Variants in LRRC7 observed in about 807,000 individuals in gnomAD.
LRRC7 encodes the protein leucine rich repeat containing 7, also known as leucine-rich repeat-containing protein 7.
LRRC7 carries 23 observed loss-of-function variants against 175.7 expected under a neutral mutation model. The observed-to-expected ratio is 0.13, with a 90% CI of 0.09 to 0.19. LRRC7 has a LOEUF of 0.19. Among genes scored for constraint, LRRC7 ranks in the 10% least tolerant of loss-of-function variants. The probability of loss-of-function intolerance (pLI) is 1.00; values close to 1 mark genes in which losing one functional copy is unlikely to be tolerated. For missense variants in LRRC7, 1,354 were observed against 1,904.7 expected (o/e 0.71, Z 5.38); for synonymous variants, 685 against 680.9 (o/e 1.01, Z -0.09).
intron 1 of LRRC7, among the ~76,000 whole-genome samples, chr1:69,627,388 G>T (rs1651767735): frequency 6.6e-6 from 1 of 152,128 alleles, no homozygotes; most frequent in Non-Finnish European, 1.5e-5. Context: ...AGAAGTGTCT[G>T]TTCATATCCT....
At chr1:69,683,313 T>C (rs1230304756) in intron 2 of LRRC7, among the ~76,000 whole-genome samples, 1 of 152,182 alleles carries the variant, frequency 6.6e-6, no homozygotes, top group African/African-American at 2.4e-5. Flanking sequence ...AAATATTCTG[T>C]GTAAGATTCT....
At chr1:69,983,209 A>C (rs1250190660) in intron 9 of LRRC7, among the ~76,000 whole-genome samples, 1 of 152,226 alleles carries the variant, frequency 6.6e-6, no homozygotes, top group Non-Finnish European at 1.5e-5. Flanking sequence ...ACTCTGACTC[A>C]TCCAAAGTAC....
chr1:69,589,485 C>T (rs1188924733), intron 1 of LRRC7, among the ~76,000 whole-genome samples: 2 of 152,014 alleles, frequency 1.3e-5, no homozygotes, highest in Non-Finnish European at 2.9e-5. Flanking sequence ...TCCTCTGGCC[C>T]ATGTCTGTAG....
intron 7 of LRRC7, among the ~76,000 whole-genome samples, chr1:69,915,261 G>A (rs1646651512): frequency 1.3e-5 from 2 of 152,112 alleles, no homozygotes; most frequent in South Asian, 2.1e-4. Flanking sequence ...TATTGGGAGC[G>A]GAGGCGCAGA....
chr1:69,673,392 CT>C (rs1350826610), intron 1 of LRRC7, among the ~76,000 whole-genome samples: 1 of 152,174 alleles, frequency 6.6e-6, no homozygotes, highest in African/African-American at 2.4e-5. Flanking sequence ...GTAGGCTGCA[CT>C]TTTTCAGAGC....
intron 1 of LRRC7, among the ~76,000 whole-genome samples, chr1:69,596,479 C>T (rs1336173284): frequency 1.3e-5 from 2 of 152,132 alleles, no homozygotes; most frequent in East Asian, 3.9e-4. Flanking sequence ...TACATAATAA[C>T]ATGCTCTAAA....
intron 7 of LRRC7, chr1:69,919,554 G>A (rs1369724055): frequency 2.0e-5 from 16 of 793,308 alleles, no homozygotes; most frequent in Non-Finnish European, 3.5e-5. Context: ...AGCCAGTCAA[G>A]GCGGCCCTCG....
intron 3 of LRRC7, among the ~76,000 whole-genome samples, chr1:69,788,923 T>C (rs1450481761): frequency 1.3e-5 from 2 of 152,198 alleles, no homozygotes; most frequent in African/African-American, 4.8e-5. Flanking sequence ...GTATAAAGAA[T>C]CTGGGCTCAA....
At chr1:70,110,438 T>A (rs557486797) in intron 26 of LRRC7, among the ~76,000 whole-genome samples, 6 of 152,080 alleles carry the variant, frequency 3.9e-5, no homozygotes, top group Non-Finnish European at 7.4e-5. Flanking sequence ...ATTAGAATGC[T>A]CTTTTCTGGC....
At chr1:69,796,781 C>T (rs371467703) in intron 4 of LRRC7, among the ~76,000 whole-genome samples, 9 of 151,114 alleles carry the variant, frequency 6.0e-5, no homozygotes, top group Admixed American at 4.0e-4. Flanking sequence ...GCAACAAGAG[C>T]GAAACTCCAT....
intron 2 of LRRC7, among the ~76,000 whole-genome samples, chr1:69,737,195 A>C (rs1668212463): frequency 6.6e-6 from 1 of 152,136 alleles, no homozygotes; most frequent in South Asian, 2.1e-4. Flanking sequence ...CTCATCTTGA[A>C]TTGTAGCTCC....
chr1:69,611,633 C>T (rs1050904250), intron 1 of LRRC7, among the ~76,000 whole-genome samples: 6 of 152,054 alleles, frequency 3.9e-5, no homozygotes, highest in African/African-American at 1.4e-4. Flanking sequence ...AATGCTATAA[C>T]TCATGCCTGA....
intron 2 of LRRC7, among the ~76,000 whole-genome samples, chr1:69,693,478 G>A (rs563378469): frequency 6.6e-6 from 1 of 152,286 alleles, no homozygotes; most frequent in East Asian, 1.9e-4. Context: ...GACCTAGGGA[G>A]GAGTTGACAT....
chr1:70,020,910 T>C, intron 15 of LRRC7, 95 bp from the exon 16 acceptor site: 1 of 882,462 alleles, frequency 1.1e-6, no homozygotes, highest in Non-Finnish European at 1.6e-6. Context: ...CCGTATTTGT[T>C]TGTAGTATCT....
At chr1:70,045,139 T>G (rs990218512) in intron 22 of LRRC7, among the ~76,000 whole-genome samples, 2 of 152,012 alleles carry the variant, frequency 1.3e-5, no homozygotes, top group Non-Finnish European at 2.9e-5. Context: ...AGAAGACATT[T>G]GTAGCCACAG....
At chr1:69,871,929 T>C (rs909583268) in intron 7 of LRRC7, among the ~76,000 whole-genome samples, 3 of 152,044 alleles carry the variant, frequency 2.0e-5, no homozygotes, top group African/African-American at 7.2e-5. Flanking sequence ...ATGTAAGTAA[T>C]AATTATATGG....
intron 1 of LRRC7, among the ~76,000 whole-genome samples, chr1:69,637,906 C>G (rs1653645118): frequency 6.6e-6 from 1 of 151,700 alleles, no homozygotes; most frequent in African/African-American, 2.4e-5. Flanking sequence ...TAGTATTAGT[C>G]CAGAATAGAA....
rs1450638963 is a variant in LRRC7, at chr1:69,650,464, T to C, written c.3-27917T>C. Reference sequence around the variant, plus strand: ...CTGAGGCTGGAGAATGGCGTGAACCTGGGAGGCAGAGCTTGCAGTGAGCCG... The same window carrying C: ...CTGAGGCTGGAGAATGGCGTGAACCCGGGAGGCAGAGCTTGCAGTGAGCCG... On this transcript the variant is annotated intron_variant, in intron 1 of 26. Transcript: ENST00000651989. Among the ~76,000 whole-genome samples, 4 of 142,592 alleles carry C rather than the reference T, an allele frequency of 2.8e-5. No homozygotes were observed. The South Asian group carries it at 6.8e-4, about 24-fold the overall frequency. 93.5% of individuals were successfully genotyped at this position (142,592 alleles called of 152,430 possible).
intron 8 of LRRC7, among the ~76,000 whole-genome samples, chr1:69,942,291 C>CTGG (rs1648803612): frequency 6.6e-6 from 1 of 152,082 alleles, no homozygotes; most frequent in Non-Finnish European, 1.5e-5. Flanking sequence ...TGCAAAATGC[C>CTGG]TGGGTCCATT....
Sources: gnomAD v4.1 joint callset for allele counts (sites outside exome capture counted in the v4.1 genomes callset) on GRCh38, gnomAD v4.1.1 for gene constraint, MANE v1.5 for transcripts, NCBI Gene and HGNC (gene_info 2026-07-23, HGNC 2026-07-21) for gene names.